The following BTN3A3 variants were observed in gnomAD, a reference collection of about 807,000 sequenced individuals.
BTN3A3 encodes the protein butyrophilin 3.
In BTN3A3, 39 loss-of-function variants were observed where a neutral mutation model predicts 43.2. The observed-to-expected ratio is 0.90, with a 90% confidence interval of 0.70 to 1.18. The LOEUF is 1.18. Ranked by LOEUF, BTN3A3 falls within the 50% of genes most tolerant of loss-of-function variation. The probability of loss-of-function intolerance (pLI) is 0.00; values close to 1 mark genes in which losing one functional copy is unlikely to be tolerated. For missense variants in BTN3A3, 631 were observed against 722.8 expected, an observed-to-expected ratio of 0.87 and a Z score of 1.46; for synonymous variants, 255 against 272.7, an observed-to-expected ratio of 0.93 and a Z score of 0.64.
Position 26,452,433 on chromosome 6 carries a change from T to C in BTN3A3, c.*22T>C, listed in dbSNP as rs145699923. 1 of 1,563,578 alleles carries C rather than the reference T, an allele frequency of 6.4e-7. No homozygotes were observed. Among genetic ancestry groups the C allele is most frequent in the Non-Finnish European group, 8.6e-7 (1 of 1,159,478 alleles). On this transcript the variant is annotated 3_prime_UTR_variant, in exon 11 of 11. Coordinates refer to ENST00000244519, the MANE Select transcript of BTN3A3 (RefSeq NM_006994.5). ...CTGATATTCATTCCATTATTCCATATGACAGTTGTTTTGAGTTTCGTACCA... is the reference window on the plus strand; with the variant it reads ...CTGATATTCATTCCATTATTCCATACGACAGTTGTTTTGAGTTTCGTACCA...
chr6:26,445,115 G>A (rs1212798093), intron 4 of BTN3A3: 1 of 159,130 alleles, frequency 6.3e-6, no homozygotes, highest in Non-Finnish European at 1.4e-5. Flanking sequence ...AGATTGGGGT[G>A]GTCTTGTATT....
At chr6:26,451,590 A>C in intron 10 of BTN3A3, 85 bp from the exon 11 acceptor site, 1 of 1,531,618 alleles carries the variant, frequency 6.5e-7, no homozygotes, top group African/African-American at 1.4e-5. Flanking sequence ...GGACCTCCTT[A>C]GCATGGTCCA....
In BTN3A3 at chr6:26,445,921, T is replaced by A. The variant is rs1339140803; in HGVS notation, c.651T>A (p.Gly217=). The A allele has an allele frequency of 2.5e-6, 4 of 1,613,920 alleles. No individual in the cohort carries two copies. The highest frequency in any genetic ancestry group is 2.2e-5 in the East Asian group (1 of 44,876). ...SVIMRGSSGG[G]VSCIIRNSLL... ...TCATGAGAGGCAGCTCTGGTGGGGG[T>A]GTATCCTGCATCATCAGAAATTCCC... is the stretch of plus-strand genomic sequence containing the variant. The change falls in exon 5 of 11, where the codon GGT becomes GGA. Residue 217 remains glycine (G), a synonymous_variant. Coordinates refer to ENST00000244519, the MANE Select transcript of BTN3A3 (RefSeq NM_006994.5).
At chr6:26,449,511 A>G in intron 8 of BTN3A3, 151 bp from the exon 9 acceptor site, 1 of 762,478 alleles carries the variant, frequency 1.3e-6, no homozygotes, top group Non-Finnish European at 2.2e-6. Flanking sequence ...TAAGAAGAAG[A>G]GGTGAAGAGA....
chr6:26,450,544 G>A (rs1050118246), intron 10 of BTN3A3, among the ~76,000 whole-genome samples: 1 of 152,174 alleles, frequency 6.6e-6, no homozygotes, highest in African/African-American at 2.4e-5. Flanking sequence ...TAATGCTTCC[G>A]AGCTTTCGCC....
rs144928044 is a variant in BTN3A3, at chr6:26,453,372, G to C, written c.*961G>C. 6.1e-3 allele frequency: 924 copies of C among 152,196 alleles called. 6 individuals are homozygous for C. Among genetic ancestry groups the C allele is most frequent in the South Asian group, 0.021 (102 of 4,820 alleles). The allele number at this position is 152,196 out of a possible 1,614,324, so 9.4% of individuals were successfully genotyped here. On this transcript the variant is annotated 3_prime_UTR_variant, in exon 11 of 11. Transcript: ENST00000244519. ...CTGTATCCCCTCTACTTGGCAAGTG[G>C]TTGTCAAGTTCTAGTTGTTCAATAA...
chr6:26,448,937 C>T (rs528732272), intron 8 of BTN3A3, among the ~76,000 whole-genome samples, 183 bp downstream of exon 8: 3 of 152,042 alleles, frequency 2.0e-5, no homozygotes, highest in Non-Finnish European at 4.4e-5. Flanking sequence ...CTCTCTCTCT[C>T]GTCTATCTCT....
rs745783555 is a variant in BTN3A3 at position 26,444,298 on chromosome 6, G to A, written c.427G>A (p.Val143Ile). ...CGAAAAAGCCCTGGTGGAGCTGAAG[G>A]TTGCAGGTGAGCCTCCAGGTTTTGT... ...FYEKALVELK[V>I]AALGSDLHIE... The change falls in exon 4 of 11, where the codon GTT becomes ATT. Residue 143 changes from valine (V) to isoleucine (I), a missense_variant. Physicochemically the swap from Val to Ile is conservative, Grantham distance 29. Transcript: ENST00000244519. The A allele has an allele frequency of 2.2e-5, 36 of 1,612,042 alleles. No individual in the cohort carries two copies. The highest frequency in any genetic ancestry group is 3.1e-5 in the Non-Finnish European group (36 of 1,179,858).
Position 26,452,694 on chromosome 6 carries a change from G to T in BTN3A3, c.*283G>T. On this transcript the variant is annotated 3_prime_UTR_variant, in exon 11 of 11. Coordinates refer to ENST00000244519, the MANE Select transcript of BTN3A3 (RefSeq NM_006994.5). ...TTTTGCAAGTATGGAAGCTGAGGCA[G>T]GGCAACATGAAGTAACTTACATAAC... The T allele has an allele frequency of 2.7e-6, 1 of 372,068 alleles. No individual in the cohort carries two copies. The highest frequency in any genetic ancestry group is 4.5e-5 in the South Asian group (1 of 22,444). 23.0% of individuals were successfully genotyped at this position (372,068 alleles called of 1,614,324 possible). A position where few individuals can be genotyped will look rare whatever the true frequency, so the allele number is the denominator to read the frequency against.
At chr6:26,449,728 T>C (rs1308997700) in intron 9 of BTN3A3, 40 bp downstream of exon 9, 3 of 1,611,582 alleles carry the variant, frequency 1.9e-6, no homozygotes, top group Non-Finnish European at 2.5e-6. Context: ...CTGGGTCATG[T>C]ACAATGAACA....
At position 26,451,929 on chromosome 6, in the gene BTN3A3, A is replaced by T; in HGVS notation, c.1273A>T (p.Met425Leu). The change falls in exon 11 of 11, where the codon ATG (methionine) becomes TTG (leucine). Residue 425 changes from methionine to leucine, a missense_variant. Met to Leu is a conservative substitution (Grantham distance 15). Coordinates refer to ENST00000244519, the MANE Select transcript of BTN3A3 (RefSeq NM_006994.5). ...GGAGAGGAAAAAAGGTTGGGTCAAA[A>T]TGACACCGGAGAACGGATACTGGAC... Reference protein sequence around the residue: ...NVERKKGWVKMTPENGYWTMG... With the variant: ...NVERKKGWVKLTPENGYWTMG... 6.2e-7 allele frequency: 1 copy of T among 1,614,104 alleles called. No homozygotes were observed. The highest frequency in any genetic ancestry group is 1.1e-5 in the South Asian group (1 of 91,082).
chr6:26,443,859 G>C, intron 3 of BTN3A3, 98 bp from the exon 4 acceptor site: 2 of 1,574,470 alleles, frequency 1.3e-6, no homozygotes, highest in Non-Finnish European at 1.7e-6. Flanking sequence ...TTCCCCTCTA[G>C]GTTCTCTGTA....
chr6:26,447,822 C>A (rs1190749069), intron 5 of BTN3A3, among the ~76,000 whole-genome samples: 1 of 152,094 alleles, frequency 6.6e-6, no homozygotes, highest in African/African-American at 2.4e-5. Context: ...TAAACCCTTG[C>A]CCTCTGACTC....
At chr6:26,444,462 ACATT>A (rs1221589443) in intron 4 of BTN3A3, 158 bp downstream of exon 4, 2 of 1,173,296 alleles carry the variant, frequency 1.7e-6, no homozygotes, top group Non-Finnish European at 2.4e-6. Context: ...TAAGAAAGAC[ACATT>A]CTTTCTTTAG....
At position 26,452,437 on chromosome 6, in the gene BTN3A3, AGTT is replaced by A. The variant is rs1312219193; in HGVS notation, c.*30_*32del. The A allele has an allele frequency of 1.9e-6, 3 of 1,548,686 alleles. No homozygotes were observed. Among genetic ancestry groups the A allele is most frequent in the Non-Finnish European group, 2.6e-6 (3 of 1,151,566 alleles). On this transcript the variant is annotated 3_prime_UTR_variant, in exon 11 of 11. Transcript: ENST00000244519. ...TATTCATTCCATTATTCCATATGACAGTTGTTTTGAGTTTCGTACCACCTTATT... is the reference window on the plus strand; with the variant it reads ...TATTCATTCCATTATTCCATATGACAGTTTTGAGTTTCGTACCACCTTATT...
intron 1 of BTN3A3, among the ~76,000 whole-genome samples, chr6:26,441,701 T>C (rs1762640415): frequency 6.6e-6 from 1 of 152,174 alleles, no homozygotes; most frequent in Non-Finnish European, 1.5e-5. Context: ...ATTTTATTGA[T>C]TGACTAATTT....
In BTN3A3 at chr6:26,452,604, C is replaced by T; in HGVS notation, c.*193C>T. ...CAGAGAATTTAAAATGTTCTTAGTG[C>T]TGTGTTATAAGCTTTGGTGGATGTC... On this transcript the variant is annotated 3_prime_UTR_variant, in exon 11 of 11. Coordinates refer to ENST00000244519, the MANE Select transcript of BTN3A3 (RefSeq NM_006994.5). 1.7e-6 allele frequency: 1 copy of T among 591,342 alleles called. No homozygotes were observed. The highest frequency in any genetic ancestry group is 3.3e-5 in the Admixed American group (1 of 30,608). 36.6% of individuals were successfully genotyped at this position (591,342 alleles called of 1,614,324 possible).
At chr6:26,450,082 C>T in intron 9 of BTN3A3, 25 bp from the exon 10 acceptor site, 1 of 1,611,906 alleles carries the variant, frequency 6.2e-7, no homozygotes, top group Non-Finnish European at 8.5e-7. Context: ...TGACCTTTTT[C>T]TTATCTGTGT....
intron 1 of BTN3A3, among the ~76,000 whole-genome samples, chr6:26,441,326 CAT>C (rs1357264697): frequency 7.2e-5 from 11 of 152,168 alleles, no homozygotes; most frequent in Non-Finnish European, 1.2e-4. Flanking sequence ...ATCATTTCCT[CAT>C]AACCCAATAT....
Sources: gnomAD v4.1 joint callset for allele counts (sites outside exome capture counted in the v4.1 genomes callset) on GRCh38, gnomAD v4.1.1 for gene constraint, MANE v1.5 for transcripts, NCBI Gene and HGNC (gene_info 2026-07-23, HGNC 2026-07-21) for gene names.